The following TBXAS1 variants were observed in gnomAD, a reference collection of about 807,000 sequenced individuals.
The protein encoded by TBXAS1 is thromboxane-A synthase.
In TBXAS1, 48 loss-of-function variants were observed where a neutral mutation model predicts 60.7. The ratio of observed to expected loss-of-function variants is 0.79; its 90% CI spans 0.63 to 1.01. TBXAS1 has a LOEUF of 1.01. Among genes scored for constraint, TBXAS1 ranks in the 50% least tolerant of loss-of-function variants. TBXAS1 has a pLI of 0.00. For synonymous variants in TBXAS1, 287 were observed against 269.7 expected, an observed-to-expected ratio of 1.06 and a Z score of -0.63; for missense variants, 685 against 686.3, an observed-to-expected ratio of 1.00 and a Z score of 0.02.
At chr7:139,854,961 T>C (rs546751307) in intron 1 of TBXAS1, among the ~76,000 whole-genome samples, 1 of 152,324 alleles carries the variant, frequency 6.6e-6, no homozygotes, top group Non-Finnish European at 1.5e-5. Context: ...ATCCTGCTCA[T>C]TGGCTTTCAA....
chr7:139,799,901 C>T (rs922804739), intron 4 of TBXAS1, among the ~76,000 whole-genome samples: 8 of 152,186 alleles, frequency 5.3e-5, no homozygotes, highest in Admixed American at 2.6e-4. Context: ...GCCTCATTAC[C>T]GTTTTATCTG....
At chr7:139,853,204 G>A (rs547301773) in intron 1 of TBXAS1, among the ~76,000 whole-genome samples, 12 of 152,296 alleles carry the variant, frequency 7.9e-5, no homozygotes, top group Admixed American at 5.9e-4. Flanking sequence ...TGGGGATAGC[G>A]TCCTGTAAGA....
chr7:139,997,041 C>A (rs1813348416), intron 9 of TBXAS1, among the ~76,000 whole-genome samples: 2 of 152,326 alleles, frequency 1.3e-5, no homozygotes, highest in Admixed American at 1.3e-4. Flanking sequence ...AGTATGTTAT[C>A]TTGACTCATC....
intron 10 of TBXAS1, 151 bp downstream of exon 10, chr7:140,007,333 A>C (rs903714370): frequency 1.8e-5 from 13 of 708,616 alleles, no homozygotes; most frequent in Admixed American, 4.3e-5. Context: ...TCCCCATGGC[A>C]CCTCAGATAT....
At chr7:139,991,701 G>A (rs1172350909) in intron 9 of TBXAS1, among the ~76,000 whole-genome samples, 1 of 152,190 alleles carries the variant, frequency 6.6e-6, no homozygotes, top group Non-Finnish European at 1.5e-5. Context: ...ATGGGGAGTG[G>A]TGACTTGGCC....
intron 9 of TBXAS1, 54 bp downstream of exon 9, chr7:139,962,287 T>C: frequency 6.2e-7 from 1 of 1,604,838 alleles, no homozygotes. Context: ...ACAATTGATT[T>C]TGTGTTTGTG....
At position 139,961,926 on chromosome 7, in the gene TBXAS1, G is replaced by A. The variant is rs1466415913; in HGVS notation, c.827G>A (p.Arg276Lys). The A allele has an allele frequency of 1.2e-6, 2 of 1,614,234 alleles. No homozygotes were observed. Among genetic ancestry groups the A allele is most frequent in the Non-Finnish European group, 1.7e-6 (2 of 1,180,036 alleles). Residue 276 changes from arginine (R) to lysine (K), a missense_variant, in exon 9 of 13, where the codon AGA (arginine) becomes AAA (lysine). Arg to Lys is a conservative substitution (Grantham distance 26). Coordinates refer to ENST00000448866, the MANE Select transcript of TBXAS1 (RefSeq NM_001061.7). ...TCTCCTTTTGTTCCTTAGAGGCGGA[G>A]AGACTTCCTCCAAATGGTCCTGGAT... is the stretch of plus-strand genomic sequence containing the variant. ...RDQQAAEERR[R>K]DFLQMVLDAR...
At chr7:139,802,105 G>T in intron 4 of TBXAS1, among the ~76,000 whole-genome samples, 1 of 152,144 alleles carries the variant, frequency 6.6e-6, no homozygotes, top group East Asian at 1.9e-4. Context: ...ATATCACTTT[G>T]TTGGCTTATC....
chr7:139,832,140 C>T (rs1193208760), intron 1 of TBXAS1, among the ~76,000 whole-genome samples: 1 of 152,074 alleles, frequency 6.6e-6, no homozygotes, highest in Admixed American at 6.5e-5. Context: ...CCTGTAGGGC[C>T]CAGAAGACAC....
intron 1 of TBXAS1, among the ~76,000 whole-genome samples, chr7:139,833,540 A>AG (rs1307453255): frequency 7.4e-6 from 1 of 135,516 alleles, no homozygotes; most frequent in Non-Finnish European, 1.6e-5. Context: ...AAAAAATTAG[A>AG]GGGGTGTGGT....
intron 10 of TBXAS1, among the ~76,000 whole-genome samples, 180 bp downstream of exon 10, chr7:140,007,362 G>A (rs887269515): frequency 2.0e-5 from 3 of 152,150 alleles, no homozygotes; most frequent in Admixed American, 6.5e-5. Flanking sequence ...CTTTCCTACA[G>A]GTTAACAACC....
At chr7:139,989,879 AAG>A (rs1812764581) in intron 9 of TBXAS1, among the ~76,000 whole-genome samples, 2 of 152,106 alleles carry the variant, frequency 1.3e-5, no homozygotes, top group African/African-American at 4.8e-5. Flanking sequence ...CCTTATAAGG[AAG>A]AGACAATTAT....
chr7:139,790,510 C>T (rs73475965), intron 4 of TBXAS1, among the ~76,000 whole-genome samples: 2,469 of 152,258 alleles, frequency 0.016, 47 homozygotes, highest in African/African-American at 0.052. Context: ...AAACCTATAT[C>T]GTTTGAGTGA....
chr7:139,832,264 A>T (rs1798755275), intron 1 of TBXAS1, among the ~76,000 whole-genome samples: 1 of 152,212 alleles, frequency 6.6e-6, no homozygotes, highest in Non-Finnish European at 1.5e-5. Flanking sequence ...TAGCTTAAAG[A>T]AAAAACAATA....
rs755406302 is a variant in TBXAS1, at chr7:139,936,272, C to T, written c.415C>T (p.Leu139=). The change falls in exon 5 of 13, where the codon CTG becomes TTG. Residue 139 remains leucine (L), a synonymous_variant. Transcript: ENST00000448866. ...DKRWEEVRGA[L]MSAFSPEKLN... is the part of the protein sequence containing the mutation. Reference sequence around the variant, plus strand: ...AAGATGGGAAGAGGTCAGAGGTGCCCTGATGTCTGCTTTCAGTCCTGAAAA... The same window carrying T: ...AAGATGGGAAGAGGTCAGAGGTGCCTTGATGTCTGCTTTCAGTCCTGAAAA... 3 of 1,614,172 alleles carry T rather than the reference C, an allele frequency of 1.9e-6. No individual in the cohort carries two copies. The South Asian group carries it at 3.3e-5, about 18-fold the overall frequency.
chr7:139,940,561 C>A (rs1293153477), intron 5 of TBXAS1, among the ~76,000 whole-genome samples: 1 of 152,040 alleles, frequency 6.6e-6, no homozygotes, highest in African/African-American at 2.4e-5. Context: ...TCCTGTTGGT[C>A]CCCTCTCTGA....
intron 1 of TBXAS1, among the ~76,000 whole-genome samples, chr7:139,871,062 CAGAAATAAATAA>C (rs1801787415): frequency 1.3e-5 from 2 of 152,292 alleles, no homozygotes; most frequent in South Asian, 2.1e-4. Flanking sequence ...GCCTGGGTGA[CAGAAATAAATAA>C]AGAAATAAAT....
intron 3 of TBXAS1, among the ~76,000 whole-genome samples, chr7:139,910,200 T>G (rs970716307): frequency 3.9e-5 from 6 of 152,240 alleles, no homozygotes; most frequent in African/African-American, 1.4e-4. Context: ...AAACTGTGAC[T>G]GGGTCTTGAT....
chr7:139,929,904 C>T (rs1253649339), intron 4 of TBXAS1, among the ~76,000 whole-genome samples: 2 of 152,186 alleles, frequency 1.3e-5, no homozygotes, highest in African/African-American at 4.8e-5. Context: ...TTCTCAACAC[C>T]AAACAGCGAG....
Sources: allele counts gnomAD v4.1 joint callset (sites outside exome capture counted in the v4.1 genomes callset), GRCh38; gene constraint gnomAD v4.1.1; transcripts MANE v1.5; gene names NCBI Gene and HGNC (gene_info 2026-07-23, HGNC 2026-07-21).